GJB7: variants seen among roughly 807,000 people sequenced by gnomAD.
GJB7 encodes the protein gap junction beta-7 protein.
For synonymous variants in GJB7, 87 were observed against 95.2 expected (o/e 0.91, Z 0.50); for missense variants, 253 against 256.8 (o/e 0.99, Z 0.10).
intron 2 of GJB7, among the ~76,000 whole-genome samples, chr6:87,301,929 G>A (rs187497114): frequency 6.6e-6 from 1 of 152,292 alleles, no homozygotes; most frequent in East Asian, 1.9e-4. Flanking sequence ...GGTCAGGAGT[G>A]GATCTCCAGC....
intron 2 of GJB7, among the ~76,000 whole-genome samples, chr6:87,301,180 G>T (rs1330765075): frequency 1.3e-5 from 2 of 152,102 alleles, no homozygotes; most frequent in Non-Finnish European, 2.9e-5. Context: ...CGGACAGTGG[G>T]TGCAGGACAG....
At chr6:87,293,445 GTTTTGT>G (rs1165038414) in intron 2 of GJB7, among the ~76,000 whole-genome samples, 3 of 151,662 alleles carry the variant, frequency 2.0e-5, no homozygotes, top group African/African-American at 4.8e-5. Context: ...CTGGGTTTTT[GTTTTGT>G]TTTTGTTTTT....
At chr6:87,302,912 C>T (rs1776357582) in intron 2 of GJB7, among the ~76,000 whole-genome samples, 2 of 152,184 alleles carry the variant, frequency 1.3e-5, no homozygotes, top group South Asian at 2.1e-4. Flanking sequence ...CCCAGAATTT[C>T]GTGTCCAGCC....
At chr6:87,307,421 C>T (rs1401013630) in intron 2 of GJB7, among the ~76,000 whole-genome samples, 7 of 152,020 alleles carry the variant, frequency 4.6e-5, no homozygotes, top group Non-Finnish European at 8.8e-5. Context: ...AAGAAACTAC[C>T]ATCAGAGTGA....
chr6:87,304,244 T>C (rs1776383856), intron 2 of GJB7, among the ~76,000 whole-genome samples: 1 of 151,844 alleles, frequency 6.6e-6, no homozygotes, highest in Non-Finnish European at 1.5e-5. Context: ...CAGGAGCTGG[T>C]TTTTTGAAAA....
chr6:87,306,264 C>T (rs1026513603), intron 2 of GJB7, among the ~76,000 whole-genome samples: 42 of 152,196 alleles, frequency 2.8e-4, no homozygotes, highest in Non-Finnish European at 4.1e-4. Flanking sequence ...GAGAAAATTT[C>T]CACAACCTAC....
Position 87,322,933 on chromosome 6 carries a change from C to T in GJB7, c.-95G>A, listed in dbSNP as rs1490847871. 1 of 152,276 alleles carries T rather than the reference C, an allele frequency of 6.6e-6. No homozygotes were observed. Among genetic ancestry groups the T allele is most frequent in the African/African-American group, 2.4e-5 (1 of 41,426 alleles). 9.4% of individuals were successfully genotyped at this position (152,276 alleles called of 1,614,324 possible). ...CCCACCCCGAGAACTCTCTCGTTTCCTGCAGTTTCTTAGTGTCTTGGCTCA... is the reference window on the plus strand; with the variant it reads ...CCCACCCCGAGAACTCTCTCGTTTCTTGCAGTTTCTTAGTGTCTTGGCTCA... On this transcript the variant is annotated 5_prime_UTR_variant, in exon 2 of 3. Coordinates refer to ENST00000525899, the MANE Select transcript of GJB7 (RefSeq NM_198568.3).
At chr6:87,318,999 C>T (rs1025781347) in intron 2 of GJB7, among the ~76,000 whole-genome samples, 2 of 152,182 alleles carry the variant, frequency 1.3e-5, no homozygotes, top group Non-Finnish European at 2.9e-5. Flanking sequence ...CATCAGTGGT[C>T]CCTTGAGAAG....
At chr6:87,293,928 T>C (rs943572731) in intron 2 of GJB7, among the ~76,000 whole-genome samples, 2 of 152,194 alleles carry the variant, frequency 1.3e-5, no homozygotes, top group Admixed American at 1.3e-4. Flanking sequence ...GAAGAGGTTC[T>C]ATGGAGAGCA....
At chr6:87,310,325 A>G (rs915956501) in intron 2 of GJB7, among the ~76,000 whole-genome samples, 2 of 152,182 alleles carry the variant, frequency 1.3e-5, no homozygotes, top group Non-Finnish European at 2.9e-5. Context: ...CAGTGTTTCG[A>G]GGAATTGATA....
chr6:87,311,543 T>G (rs1776512708), intron 2 of GJB7, among the ~76,000 whole-genome samples: 1 of 152,162 alleles, frequency 6.6e-6, no homozygotes, highest in Admixed American at 6.6e-5. Flanking sequence ...GATTCTGGAT[T>G]CATGAGGTTA....
At chr6:87,307,080 C>T (rs974276390) in intron 2 of GJB7, among the ~76,000 whole-genome samples, 16 of 151,442 alleles carry the variant, frequency 1.1e-4, no homozygotes, top group South Asian at 2.1e-4. Flanking sequence ...TGCTAAATGA[C>T]GAGTTAATGG....
intron 1 of GJB7, among the ~76,000 whole-genome samples, chr6:87,328,122 T>G (rs1776880570): frequency 6.6e-6 from 1 of 152,222 alleles, no homozygotes; most frequent in Non-Finnish European, 1.5e-5. Flanking sequence ...CTTTAAGCAC[T>G]TCTCAGTATT....
intron 2 of GJB7, among the ~76,000 whole-genome samples, chr6:87,305,611 T>G (rs1776412879): frequency 1.3e-5 from 2 of 152,130 alleles, no homozygotes; most frequent in South Asian, 4.1e-4. Context: ...CCAAGGTAAT[T>G]TATAGATTCA....
chr6:87,284,377 A>G lies in GJB7; in HGVS notation c.536T>C (p.Phe179Ser). The change falls in exon 3 of 3, where the codon TTC (phenylalanine) becomes TCC (serine). Residue 179 changes from phenylalanine (F) to serine (S), a missense_variant. By Grantham distance (155) the Phe-to-Ser change is radical (BLOSUM62 -2). Transcript: ENST00000525899. ...TGAGGTGATGACCAAGAAGAGGATGAAGATCGTCTTCTCAGTGGGTTTGGA... is the reference window on the plus strand; with the variant it reads ...TGAGGTGATGACCAAGAAGAGGATGGAGATCGTCTTCTCAGTGGGTTTGGA... ...FISKPTEKTI[F>S]ILFLVITSCL... 1 of 1,614,042 alleles carries G rather than the reference A, an allele frequency of 6.2e-7. No homozygotes were observed. Among genetic ancestry groups the G allele is most frequent in the Non-Finnish European group, 8.5e-7 (1 of 1,179,874 alleles).
At chr6:87,284,992 G>A (rs1360509582) in intron 2 of GJB7, 53 bp from the exon 3 acceptor site, 16 of 1,136,246 alleles carry the variant, frequency 1.4e-5, no homozygotes, top group East Asian at 4.8e-5. Context: ...TCTACAGATC[G>A]TTTCTACTAT....
intron 2 of GJB7, among the ~76,000 whole-genome samples, chr6:87,307,410 A>G (rs1776449217): frequency 6.6e-6 from 1 of 152,184 alleles, no homozygotes; most frequent in Admixed American, 6.5e-5. Flanking sequence ...CTGCACAGCA[A>G]AAGAAACTAC....
At chr6:87,295,732 G>A (rs182979281) in intron 2 of GJB7, among the ~76,000 whole-genome samples, 215 of 152,222 alleles carry the variant, frequency 1.4e-3, no homozygotes, top group Non-Finnish European at 2.3e-3. Context: ...ATGGCTGACC[G>A]TCAGCAGAGC....
At chr6:87,307,891 A>T (rs1266226703) in intron 2 of GJB7, among the ~76,000 whole-genome samples, 1 of 152,226 alleles carries the variant, frequency 6.6e-6, no homozygotes, top group Non-Finnish European at 1.5e-5. Context: ...TACCCAAAGG[A>T]TTATACATCA....
Sources: gnomAD v4.1 joint callset for allele counts (sites outside exome capture counted in the v4.1 genomes callset) on GRCh38, gnomAD v4.1.1 for gene constraint, MANE v1.5 for transcripts, NCBI Gene and HGNC (gene_info 2026-07-23, HGNC 2026-07-21) for gene names.